SLCO3A1: variants seen among roughly 807,000 people sequenced by gnomAD.
The protein encoded by SLCO3A1 is PGE1 transporter.
SLCO3A1 carries 27 observed loss-of-function variants against 63.1 expected under a neutral mutation model. That is an observed-to-expected ratio of 0.43 (90% CI 0.32 to 0.59). The LOEUF is 0.59. SLCO3A1 is among the 20% of genes least tolerant of loss of function. SLCO3A1 has a pLI of 0.09. For missense variants in SLCO3A1, 773 were observed against 945.8 expected (o/e 0.82, Z 2.40); for synonymous variants, 473 against 409.9 (o/e 1.15, Z -1.86).
At chr15:91,867,327 A>G (rs1379529191) in intron 1 of SLCO3A1, among the ~76,000 whole-genome samples, 1 of 152,172 alleles carries the variant, frequency 6.6e-6, no homozygotes, top group Non-Finnish European at 1.5e-5. Context: ...AGGATGCAGA[A>G]TGCTTCTTGT....
At chr15:91,914,112 A>G (rs1314766598) in intron 1 of SLCO3A1, among the ~76,000 whole-genome samples, 3 of 152,200 alleles carry the variant, frequency 2.0e-5, no homozygotes, top group Non-Finnish European at 4.4e-5. Flanking sequence ...TCTTGACACC[A>G]GCTCTATGAG....
At chr15:91,962,410 CAG>C (rs1900481150) in intron 2 of SLCO3A1, among the ~76,000 whole-genome samples, 1 of 138,058 alleles carries the variant, frequency 7.2e-6, no homozygotes, top group Non-Finnish European at 1.5e-5. Flanking sequence ...ACCCAGGAGA[CAG>C]AGGTTGCGGT....
At chr15:91,927,496 T>C (rs1899071161) in intron 2 of SLCO3A1, among the ~76,000 whole-genome samples, 1 of 152,188 alleles carries the variant, frequency 6.6e-6, no homozygotes. Flanking sequence ...CCAAACTTTT[T>C]ATTGGCAAAC....
At chr15:91,893,169 G>A (rs756111981) in intron 1 of SLCO3A1, among the ~76,000 whole-genome samples, 9 of 152,218 alleles carry the variant, frequency 5.9e-5, no homozygotes, top group Non-Finnish European at 1.0e-4. Context: ...TACTTGACAT[G>A]TGGGTAGTAT....
In SLCO3A1 at chr15:92,042,204, C is replaced by T. The variant is rs560144261; in HGVS notation, c.647-52677C>T. Among the ~76,000 whole-genome samples the T allele has an allele frequency of 4.5e-4, 69 of 152,312 alleles. 1 individual carries two copies. The South Asian group carries it at 0.012, about 27-fold the overall frequency. On this transcript the variant is annotated intron_variant, in intron 2 of 9. Coordinates refer to ENST00000318445, the MANE Select transcript of SLCO3A1 (RefSeq NM_013272.4). ...CTTTCCTTGAGTAAACACTTTTACT[C>T]TTTCTTTTTACTGCTACCATTTAAC...
At chr15:91,855,569 T>A (rs189714742) in intron 1 of SLCO3A1, among the ~76,000 whole-genome samples, 2 of 152,224 alleles carry the variant, frequency 1.3e-5, no homozygotes, top group African/African-American at 4.8e-5. Context: ...AATACACTTA[T>A]TGTGTCTATA....
At chr15:92,042,365 G>A (rs1474546473) in intron 2 of SLCO3A1, among the ~76,000 whole-genome samples, 2 of 152,172 alleles carry the variant, frequency 1.3e-5, no homozygotes, top group African/African-American at 4.8e-5. Flanking sequence ...GATGACTTAA[G>A]GGATCAGCTA....
intron 3 of SLCO3A1, among the ~76,000 whole-genome samples, chr15:92,099,135 G>A (rs571352445): frequency 1.3e-5 from 2 of 152,330 alleles, no homozygotes; most frequent in East Asian, 3.9e-4. Context: ...CACACCAGCC[G>A]GCCTCGCAGA....
At chr15:91,938,641 T>A (rs1045525149) in intron 2 of SLCO3A1, among the ~76,000 whole-genome samples, 1 of 152,182 alleles carries the variant, frequency 6.6e-6, no homozygotes, top group Non-Finnish European at 1.5e-5. Flanking sequence ...AGTACTGTTG[T>A]TCACATTTTA....
intron 2 of SLCO3A1, among the ~76,000 whole-genome samples, chr15:92,031,485 TC>T (rs2046647835): frequency 6.6e-6 from 1 of 152,206 alleles, no homozygotes; most frequent in Non-Finnish European, 1.5e-5. Flanking sequence ...CTCCTCATGC[TC>T]CTTGGGGCTG....
At chr15:92,066,815 A>G (rs1042048443) in intron 2 of SLCO3A1, among the ~76,000 whole-genome samples, 2 of 152,180 alleles carry the variant, frequency 1.3e-5, no homozygotes, top group African/African-American at 4.8e-5. Flanking sequence ...TATGGCTGGC[A>G]GTGGTGAGGA....
chr15:92,062,627 C>T lies in SLCO3A1; in HGVS notation c.647-32254C>T, dbSNP rs568088966. Among the ~76,000 whole-genome samples the T allele has an allele frequency of 2.9e-3, 436 of 152,300 alleles. 1 individual carries two copies. Among genetic ancestry groups the T allele is most frequent in the African/African-American group, 0.01 (418 of 41,560 alleles). On this transcript the variant is annotated intron_variant, in intron 2 of 9. Transcript: ENST00000318445. ...TGAAGAGTGAATTTCTAATTGTGGACTTTCAGACACTGGCAAGCTGTTAGG... is the reference window on the plus strand; with the variant it reads ...TGAAGAGTGAATTTCTAATTGTGGATTTTCAGACACTGGCAAGCTGTTAGG...
At chr15:91,879,801 G>T (rs1362009701) in intron 1 of SLCO3A1, among the ~76,000 whole-genome samples, 1 of 152,188 alleles carries the variant, frequency 6.6e-6, no homozygotes. Flanking sequence ...TGAAATTTGT[G>T]TTCCAGGCAG....
intron 7 of SLCO3A1, among the ~76,000 whole-genome samples, chr15:92,130,670 G>A (rs1370700086): frequency 6.6e-6 from 1 of 152,068 alleles, no homozygotes; most frequent in African/African-American, 2.4e-5. Flanking sequence ...CCAGGTAATG[G>A]GGCCTTCCGT....
chr15:91,929,657 T>C (rs1899153406), intron 2 of SLCO3A1, among the ~76,000 whole-genome samples: 1 of 152,224 alleles, frequency 6.6e-6, no homozygotes, highest in Non-Finnish European at 1.5e-5. Context: ...AACATTTTCA[T>C]CTTGCAAAAC....
intron 2 of SLCO3A1, among the ~76,000 whole-genome samples, chr15:92,048,544 C>G (rs1004479269): frequency 8.5e-5 from 13 of 152,170 alleles, no homozygotes; most frequent in African/African-American, 2.9e-4. Context: ...CCTCTACTCA[C>G]TGGATTCTAG....
intron 2 of SLCO3A1, among the ~76,000 whole-genome samples, chr15:91,988,552 C>G (rs991607988): frequency 1.3e-5 from 2 of 151,980 alleles, no homozygotes; most frequent in African/African-American, 4.8e-5. Context: ...ACGTGCAGAT[C>G]AATTAGTAAA....
rs1452589721 is a variant in SLCO3A1, at chr15:92,163,841, T to A, written c.*706T>A. 2.0e-6 allele frequency: 2 copies of A among 985,348 alleles called. No homozygotes were observed. Among genetic ancestry groups the A allele is most frequent in the African/African-American group, 3.5e-5 (2 of 57,190 alleles). 61.0% of individuals were successfully genotyped at this position (985,348 alleles called of 1,614,324 possible). On this transcript the variant is annotated 3_prime_UTR_variant, in exon 10 of 10. Transcript: ENST00000318445. Reference sequence around the variant, plus strand: ...CCAGCTCCATTTCCATGTTCAAGACTGAGGGCCTGAGGGGGAGCCAGGTGG... The same window carrying A: ...CCAGCTCCATTTCCATGTTCAAGACAGAGGGCCTGAGGGGGAGCCAGGTGG...
chr15:92,157,544 G>A (rs914591204), intron 9 of SLCO3A1, among the ~76,000 whole-genome samples: 39 of 150,468 alleles, frequency 2.6e-4, no homozygotes, highest in Admixed American at 7.3e-4. Flanking sequence ...AGGATGGAGT[G>A]CAATAGTGTG....
Sources: gnomAD v4.1 joint callset for allele counts (sites outside exome capture counted in the v4.1 genomes callset) on GRCh38, gnomAD v4.1.1 for gene constraint, MANE v1.5 for transcripts, NCBI Gene and HGNC (gene_info 2026-07-23, HGNC 2026-07-21) for gene names.